DCLK1: variants seen among roughly 807,000 people sequenced by gnomAD.
DCLK1 encodes the protein doublecortin like kinase 1, also known as serine/threonine-protein kinase DCLK1.
A neutral mutation model predicts 86.2 loss-of-function variants in DCLK1; 16 were observed. That is an observed-to-expected ratio of 0.19 (90% CI 0.13 to 0.28). DCLK1 has a LOEUF of 0.28. Among genes scored for constraint, DCLK1 ranks in the 10% least tolerant of loss-of-function variants. The pLI is 1.00. For missense variants in DCLK1, 590 were observed against 940.2 expected (o/e 0.63, Z 4.87); for synonymous variants, 369 against 370.5 (o/e 1.00, Z 0.05).
chr13:35,800,337 C>G (rs2086893990), intron 15 of DCLK1, among the ~76,000 whole-genome samples: 1 of 152,232 alleles, frequency 6.6e-6, no homozygotes, highest in Admixed American at 6.5e-5. Context: ...CTCCATTTCA[C>G]AGATAGGAAA....
chr13:36,099,776 A>G (rs767699228), intron 3 of DCLK1, among the ~76,000 whole-genome samples: 30 of 152,236 alleles, frequency 2.0e-4, no homozygotes, highest in Non-Finnish European at 3.7e-4. Flanking sequence ...TGTTCACCTA[A>G]CAGGCTTTGT....
intron 3 of DCLK1, among the ~76,000 whole-genome samples, chr13:35,948,506 G>C (rs1450085875): frequency 6.6e-6 from 1 of 152,116 alleles, no homozygotes; most frequent in Non-Finnish European, 1.5e-5. Context: ...GGCACCTCTG[G>C]AGTTCTGCTT....
Position 35,982,712 on chromosome 13 carries a change from G to A in DCLK1, c.724-35255C>T, listed in dbSNP as rs532740843. Reference sequence around the variant, plus strand: ...TGTTAAGTTACGTCTGTTGCGGAACGTTACAAATGATTAGGAAGGTTCAAA... The same window carrying A: ...TGTTAAGTTACGTCTGTTGCGGAACATTACAAATGATTAGGAAGGTTCAAA... On this transcript the variant is annotated intron_variant, in intron 3 of 16. Coordinates refer to ENST00000360631, the MANE Select transcript of DCLK1 (RefSeq NM_001330071.2). Among the ~76,000 whole-genome samples the A allele has an allele frequency of 2.0e-4, 30 of 152,254 alleles. No homozygotes were observed. In the South Asian group the frequency reaches 5.8e-3, roughly 29 times the overall value.
At chr13:35,883,350 A>G (rs115284783) in intron 4 of DCLK1, among the ~76,000 whole-genome samples, 2,279 of 152,164 alleles carry the variant, frequency 0.015, 51 homozygotes, top group African/African-American at 0.051. Flanking sequence ...AGTTCCAGCA[A>G]GAGTTCTCCC....
chr13:35,916,980 T>C (rs183356525), intron 4 of DCLK1, among the ~76,000 whole-genome samples: 1 of 152,290 alleles, frequency 6.6e-6, no homozygotes, highest in Non-Finnish European at 1.5e-5. Context: ...GGTGGCCTTC[T>C]TCTACCTCGA....
At chr13:35,935,156 CT>C (rs1345361011) in intron 4 of DCLK1, among the ~76,000 whole-genome samples, 1 of 152,060 alleles carries the variant, frequency 6.6e-6, no homozygotes, top group Non-Finnish European at 1.5e-5. Flanking sequence ...AAATAAATAG[CT>C]TTTGGGAGAC....
At chr13:35,875,730 T>G (rs1332235821) in intron 4 of DCLK1, among the ~76,000 whole-genome samples, 1 of 152,160 alleles carries the variant, frequency 6.6e-6, no homozygotes, top group Non-Finnish European at 1.5e-5. Context: ...ACTCCCATAC[T>G]CCATTGGATA....
chr13:35,769,716 A>T lies in DCLK1; in HGVS notation c.*4819T>A, dbSNP rs2086295817. On this transcript the variant is annotated 3_prime_UTR_variant, in exon 17 of 17. Coordinates refer to ENST00000360631, the MANE Select transcript of DCLK1 (RefSeq NM_001330071.2). ...AGTGAAGACTTTAGAACTATTACTT[A>T]CTTTAAATTATTAAAGTATATCACA... 6.6e-6 allele frequency: 1 copy of T among 152,224 alleles called. No individual in the cohort carries two copies. Among genetic ancestry groups the T allele is most frequent in the Non-Finnish European group, 1.5e-5 (1 of 68,040 alleles). The allele number at this position is 152,224 out of a possible 1,614,324, so 9.4% of individuals were successfully genotyped here.
intron 3 of DCLK1, among the ~76,000 whole-genome samples, chr13:36,066,545 G>A (rs924739567): frequency 1.8e-4 from 28 of 152,142 alleles, no homozygotes; most frequent in Admixed American, 1.2e-3. Context: ...CACATACATC[G>A]TCTTCCATCA....
At chr13:35,910,239 A>T (rs1401849196) in intron 4 of DCLK1, among the ~76,000 whole-genome samples, 1 of 152,240 alleles carries the variant, frequency 6.6e-6, no homozygotes, top group Non-Finnish European at 1.5e-5. Context: ...ATGCACGAAC[A>T]GTCAACACAA....
intron 3 of DCLK1, among the ~76,000 whole-genome samples, chr13:35,961,925 T>C (rs1373885658): frequency 6.6e-6 from 1 of 152,222 alleles, no homozygotes; most frequent in East Asian, 1.9e-4. Flanking sequence ...ATGATAGCCA[T>C]AGTTATTGAT....
intron 4 of DCLK1, among the ~76,000 whole-genome samples, chr13:35,928,397 G>C (rs1876244064): frequency 6.6e-6 from 1 of 152,144 alleles, no homozygotes; most frequent in Non-Finnish European, 1.5e-5. Context: ...GCCCGGGGAT[G>C]ATTCTTGCTT....
At chr13:35,858,048 G>A (rs578257130) in intron 5 of DCLK1, among the ~76,000 whole-genome samples, 10 of 152,280 alleles carry the variant, frequency 6.6e-5, no homozygotes, top group South Asian at 6.2e-4. Context: ...TTAAGCAGGC[G>A]CCACAGGATC....
intron 5 of DCLK1, among the ~76,000 whole-genome samples, chr13:35,866,880 C>A (rs1260486170): frequency 1.3e-5 from 2 of 152,122 alleles, no homozygotes; most frequent in African/African-American, 2.4e-5. Flanking sequence ...ATTCAACGTG[C>A]CTTTCCACTA....
At chr13:35,849,112 A>G (rs918623323) in intron 6 of DCLK1, 2 of 985,358 alleles carry the variant, frequency 2.0e-6, no homozygotes, top group Non-Finnish European at 2.4e-6. Context: ...TAATTATTAT[A>G]GGGCTAAGTT....
intron 6 of DCLK1, chr13:35,847,576 TTTCA>T: frequency 1.6e-5 from 15 of 954,520 alleles, no homozygotes; most frequent in Non-Finnish European, 1.9e-5. Flanking sequence ...ATTCATTCAC[TTTCA>T]TTAAGAAATC....
intron 4 of DCLK1, among the ~76,000 whole-genome samples, chr13:35,909,488 A>G (rs1046239570): frequency 3.3e-5 from 5 of 151,896 alleles, no homozygotes; most frequent in African/African-American, 1.2e-4. Flanking sequence ...GTGGGATGAT[A>G]CTCACCTCAT....
At chr13:36,015,332 G>A (rs1305170256) in intron 3 of DCLK1, among the ~76,000 whole-genome samples, 1 of 152,158 alleles carries the variant, frequency 6.6e-6, no homozygotes, top group Non-Finnish European at 1.5e-5. Flanking sequence ...AAGAAGGAAG[G>A]GGGAATCACC....
chr13:35,873,089 A>C (rs1021339152), intron 4 of DCLK1, among the ~76,000 whole-genome samples: 28 of 151,966 alleles, frequency 1.8e-4, no homozygotes, highest in African/African-American at 6.7e-4. Flanking sequence ...TTAAATAAAA[A>C]ATTTTAGAGA....
Sources: gnomAD v4.1 joint callset for allele counts (sites outside exome capture counted in the v4.1 genomes callset) on GRCh38, gnomAD v4.1.1 for gene constraint, MANE v1.5 for transcripts, NCBI Gene and HGNC (gene_info 2026-07-23, HGNC 2026-07-21) for gene names.